APBA1: variants seen among roughly 807,000 people sequenced by gnomAD.
APBA1 encodes amyloid beta precursor protein binding family A member 1.
APBA1 carries 55 observed loss-of-function variants against 86.6 expected under a neutral mutation model. The ratio of observed to expected loss-of-function variants is 0.64; its 90% CI spans 0.51 to 0.80. APBA1 has a LOEUF of 0.80. APBA1 is among the 30% of genes least tolerant of loss of function. The pLI is 0.00. For synonymous variants in APBA1, 511 were observed against 493.9 expected, an observed-to-expected ratio of 1.03 and a Z score of -0.46; for missense variants, 1,090 against 1,183.0, an observed-to-expected ratio of 0.92 and a Z score of 1.15.
At chr9:69,450,992 T>C (rs1183671092) in intron 9 of APBA1, among the ~76,000 whole-genome samples, 3 of 152,212 alleles carry the variant, frequency 2.0e-5, no homozygotes, top group African/African-American at 7.2e-5. Flanking sequence ...TTTGGACTTC[T>C]GGCCACAAGG....
intron 1 of APBA1, among the ~76,000 whole-genome samples, chr9:69,549,020 A>G (rs1021712418): frequency 6.6e-6 from 1 of 152,228 alleles, no homozygotes; most frequent in African/African-American, 2.4e-5. Flanking sequence ...GCTAGTCTTC[A>G]TGATGGGCAT....
intron 2 of APBA1, among the ~76,000 whole-genome samples, chr9:69,497,817 G>A (rs918006674): frequency 6.6e-6 from 1 of 152,052 alleles, no homozygotes; most frequent in African/African-American, 2.4e-5. Context: ...TCGTCCATCG[G>A]TCACTTCGGG....
Position 69,428,317 on chromosome 9 carries a change from AC to A in APBA1, c.*3009del, listed in dbSNP as rs1459061651. The A allele has an allele frequency of 6.6e-6, 1 of 152,100 alleles. No individual in the cohort carries two copies. The highest frequency in any genetic ancestry group is 1.5e-5 in the Non-Finnish European group (1 of 68,058). 9.4% of individuals were successfully genotyped at this position (152,100 alleles called of 1,614,324 possible). ...GCAAACCCGTGCACAGGGACCCGGC[AC>A]CCCTGCCATGCACTCCTAGGAGCCT... On this transcript the variant is annotated 3_prime_UTR_variant, in exon 13 of 13. Coordinates refer to ENST00000265381, the MANE Select transcript of APBA1 (RefSeq NM_001163.4).
rs1564029812 is a variant in APBA1, at chr9:69,441,026, G to A, written c.2271C>T (p.Tyr757=). 1.2e-6 allele frequency: 2 copies of A among 1,614,082 alleles called. No individual in the cohort carries two copies. The highest frequency in any genetic ancestry group is 2.2e-5 in the East Asian group (1 of 44,882). The change falls in exon 11 of 13, where the codon TAC becomes TAT. Residue 757 remains tyrosine, a synonymous_variant. Coordinates refer to ENST00000265381, the MANE Select transcript of APBA1 (RefSeq NM_001163.4). ...TVLIRRPDLR[Y]QLGFSVQNGI... ...CATTCTGGACGCTGAAACCGAGCTG[G>A]TAGCGAAGGTCTGGTCTTCTGATTA...
At chr9:69,579,681 C>T (rs1234551370) in intron 1 of APBA1, among the ~76,000 whole-genome samples, 2 of 152,170 alleles carry the variant, frequency 1.3e-5, no homozygotes, top group Admixed American at 6.5e-5. Context: ...TCACCAAAAC[C>T]GTCTTGGTGC....
At chr9:69,481,528 G>T (rs1835508182) in intron 2 of APBA1, among the ~76,000 whole-genome samples, 1 of 151,748 alleles carries the variant, frequency 6.6e-6, no homozygotes, top group Non-Finnish European at 1.5e-5. Context: ...TCAATATCGT[G>T]AAAATGGTCA....
At chr9:69,637,710 C>CGGACCTAAA (rs1823209875) in intron 1 of APBA1, among the ~76,000 whole-genome samples, 1 of 152,066 alleles carries the variant, frequency 6.6e-6, no homozygotes, top group East Asian at 1.9e-4. Flanking sequence ...ACAGTTTCTG[C>CGGACCTAAA]CAGTTTAATG....
At chr9:69,441,163 C>T in intron 10 of APBA1, 48 bp from the exon 11 acceptor site, 1 of 1,575,568 alleles carries the variant, frequency 6.3e-7, no homozygotes, top group East Asian at 2.3e-5. Context: ...CTGAGGCAGA[C>T]AGAATAAACA....
intron 1 of APBA1, among the ~76,000 whole-genome samples, chr9:69,637,059 A>G (rs1823193976): frequency 6.6e-6 from 1 of 152,236 alleles, no homozygotes; most frequent in South Asian, 2.1e-4. Context: ...AAATCCTGTC[A>G]TCTGCAACAG....
chr9:69,466,934 C>A lies in APBA1; in HGVS notation c.1482+889G>T, dbSNP rs183187151. On this transcript the variant is annotated intron_variant, in intron 5 of 12. Coordinates refer to ENST00000265381, the MANE Select transcript of APBA1 (RefSeq NM_001163.4). The stretch of plus-strand genomic sequence containing the variant: ...AACCTATTCCAACTTGCTGGAAATA[C>A]CTGGTCCTGGACTTCTACCATGATG... Among the ~76,000 whole-genome samples the A allele has an allele frequency of 1.6e-3, 247 of 152,346 alleles. 2 individuals are homozygous for A. The highest frequency in any genetic ancestry group is 3.1e-4 in the Non-Finnish European group (21 of 68,038).
intron 1 of APBA1, among the ~76,000 whole-genome samples, chr9:69,668,138 T>C (rs1205684828): frequency 6.6e-6 from 1 of 152,216 alleles, no homozygotes; most frequent in Non-Finnish European, 1.5e-5. Flanking sequence ...TCATTTTCTT[T>C]ATCAGTGATT....
At chr9:69,514,185 A>G (rs1836096330) in intron 2 of APBA1, among the ~76,000 whole-genome samples, 1 of 152,232 alleles carries the variant, frequency 6.6e-6, no homozygotes, top group African/African-American at 2.4e-5. Flanking sequence ...ACAATGAAAC[A>G]CAATTTGCTT....
chr9:69,611,285 G>GAAAAAAAA (rs56357426), intron 1 of APBA1, among the ~76,000 whole-genome samples: 9 of 111,906 alleles, frequency 8.0e-5, no homozygotes, highest in South Asian at 2.8e-4. Flanking sequence ...ACCAGAAAAG[G>GAAAAAAAA]AAAAAAAAAA....
intron 1 of APBA1, among the ~76,000 whole-genome samples, chr9:69,597,362 TG>T (rs1280123144): frequency 2.6e-5 from 4 of 152,198 alleles, no homozygotes; most frequent in Non-Finnish European, 5.9e-5. Flanking sequence ...TTGATGGGGT[TG>T]TTTTTTTCTT....
intron 1 of APBA1, among the ~76,000 whole-genome samples, chr9:69,558,066 T>C (rs1038867378): frequency 6.6e-6 from 1 of 152,236 alleles, no homozygotes; most frequent in Non-Finnish European, 1.5e-5. Flanking sequence ...TATTAAATTT[T>C]GCTTACTTTG....
At chr9:69,667,666 T>C (rs1170943958) in intron 1 of APBA1, among the ~76,000 whole-genome samples, 1 of 151,432 alleles carries the variant, frequency 6.6e-6, no homozygotes, top group Admixed American at 6.6e-5. Flanking sequence ...ATTGTTCTCC[T>C]CAGCTTATAA....
chr9:69,648,076 T>C (rs1823425519), intron 1 of APBA1, among the ~76,000 whole-genome samples: 2 of 152,224 alleles, frequency 1.3e-5, no homozygotes, highest in Admixed American at 6.5e-5. Context: ...TCTTTGCTTA[T>C]AGCATTGGAC....
chr9:69,658,762 T>C (rs886143003), intron 1 of APBA1, among the ~76,000 whole-genome samples: 2 of 152,022 alleles, frequency 1.3e-5, no homozygotes, highest in African/African-American at 4.8e-5. Flanking sequence ...ATGGCTCTTT[T>C]TGGGAGGGCT....
At position 69,516,221 on chromosome 9, in the gene APBA1, G is replaced by C. The variant is rs755868358; in HGVS notation, c.990C>G (p.Gly330=). Residue 330 remains glycine (G), a synonymous_variant, in exon 2 of 13, where the codon GGC becomes GGG. Transcript: ENST00000265381. The surrounding 1 kb of genome is among the most constrained non-coding windows in gnomAD (Gnocchi z 7.3). ...AGQQRAVGPA[G]GGEAGQRYSK... is the part of the protein sequence containing the mutation. The stretch of plus-strand genomic sequence containing the variant: ...TGTACCGCTGCCCCGCCTCGCCGCC[G>C]CCCGCGGGGCCCACCGCCCGCTGCT... The C allele has an allele frequency of 8.8e-6, 13 of 1,474,316 alleles. No homozygotes were observed. Among genetic ancestry groups the C allele is most frequent in the Non-Finnish European group, 1.2e-5 (13 of 1,108,520 alleles). 91.3% of individuals were successfully genotyped at this position (1,474,316 alleles called of 1,614,324 possible).
Sources: gnomAD v4.1 joint callset for allele counts (sites outside exome capture counted in the v4.1 genomes callset) on GRCh38, gnomAD v4.1.1 for gene constraint, Gnocchi (gnomAD v3.1) non-coding constraint, MANE v1.5 for transcripts, NCBI Gene and HGNC (gene_info 2026-07-23, HGNC 2026-07-21) for gene names.